Variants in ESRP1 observed in about 807,000 individuals in gnomAD.
ESRP1 encodes epithelial splicing regulatory protein 1.
Under a neutral mutation model 81.7 loss-of-function variants are expected in ESRP1, and 33 were observed. The ratio of observed to expected loss-of-function variants is 0.40; its 90% CI spans 0.31 to 0.54. The LOEUF is 0.54. Among genes scored for constraint, ESRP1 ranks in the 20% least tolerant of loss-of-function variants. The pLI is 0.41. For missense variants in ESRP1, 672 were observed against 833.1 expected (o/e 0.81, Z 2.38); for synonymous variants, 320 against 303.3 (o/e 1.06, Z -0.57).
intron 3 of ESRP1, among the ~76,000 whole-genome samples, chr8:94,644,025 A>T (rs1384432007): frequency 6.6e-6 from 1 of 152,244 alleles, no homozygotes; most frequent in Non-Finnish European, 1.5e-5. Flanking sequence ...TGTTCAAAAC[A>T]TTCTTGCATC....
intron 4 of ESRP1, among the ~76,000 whole-genome samples, chr8:94,650,262 T>TC (rs1818057963): frequency 2.1e-5 from 1 of 47,372 alleles, no homozygotes; most frequent in Non-Finnish European, 6.0e-5. Context: ...TTGTTTGTTT[T>TC]GTTTTTTTTT....
At chr8:94,682,337 C>T (rs780373375) in intron 13 of ESRP1, among the ~76,000 whole-genome samples, 3 of 152,058 alleles carry the variant, frequency 2.0e-5, no homozygotes, top group Non-Finnish European at 2.9e-5. Flanking sequence ...GCTTTTCGTA[C>T]GACATTATAA....
intron 15 of ESRP1, among the ~76,000 whole-genome samples, chr8:94,702,718 C>T (rs1180070197): frequency 2.6e-5 from 4 of 152,098 alleles, no homozygotes; most frequent in African/African-American, 7.2e-5. Flanking sequence ...CTCCTGACCT[C>T]GTGATCCGCC....
At chr8:94,695,874 C>T (rs2130725747) in intron 14 of ESRP1, among the ~76,000 whole-genome samples, 1 of 152,148 alleles carries the variant, frequency 6.6e-6, no homozygotes, top group Non-Finnish European at 1.5e-5. Flanking sequence ...ACCAGCCTGG[C>T]CAACATGGTG....
intron 13 of ESRP1, among the ~76,000 whole-genome samples, chr8:94,689,981 T>A (rs1217544267): frequency 6.6e-6 from 1 of 151,834 alleles, no homozygotes; most frequent in East Asian, 1.9e-4. Context: ...CATGCTCGGC[T>A]AATTTTTTTG....
intron 10 of ESRP1, among the ~76,000 whole-genome samples, chr8:94,670,321 T>C (rs1048321556): frequency 5.3e-5 from 8 of 152,234 alleles, no homozygotes; most frequent in African/African-American, 1.7e-4. Context: ...AGTTTATCTA[T>C]TACTACACTA....
chr8:94,705,156 CT>C (rs57801249), intron 15 of ESRP1, among the ~76,000 whole-genome samples: 50 of 90,522 alleles, frequency 5.5e-4, no homozygotes, highest in African/African-American at 1.5e-3. Context: ...TGCCTTATTG[CT>C]TTTTTTTTTT....
At chr8:94,694,188 AG>A (rs538735856) in intron 14 of ESRP1, among the ~76,000 whole-genome samples, 83 of 152,338 alleles carry the variant, frequency 5.4e-4, no homozygotes, top group African/African-American at 1.9e-3. Context: ...TTCAGGTTTT[AG>A]TACTCAGCTG....
chr8:94,645,142 G>A (rs1161513046), intron 3 of ESRP1, among the ~76,000 whole-genome samples: 2 of 152,082 alleles, frequency 1.3e-5, no homozygotes. Context: ...GGTTCTTTTG[G>A]TTGTTAACTT....
intron 4 of ESRP1, among the ~76,000 whole-genome samples, chr8:94,650,408 G>C (rs7009742): frequency 0.75 from 114,612 of 152,042 alleles, 46,038 homozygotes; most frequent in East Asian, 0.96. Context: ...TGTAGTCTTG[G>C]CTTTTCCAGG....
intron 4 of ESRP1, among the ~76,000 whole-genome samples, chr8:94,653,786 T>C (rs1818268869): frequency 6.8e-6 from 1 of 147,266 alleles, no homozygotes; most frequent in South Asian, 2.4e-4. Context: ...ATTGGTACTT[T>C]TCTGTGTATG....
chr8:94,689,621 GT>G (rs1809294061), intron 13 of ESRP1, among the ~76,000 whole-genome samples: 1 of 151,562 alleles, frequency 6.6e-6, no homozygotes. Context: ...TCTTATTTCA[GT>G]AATCCACAAA....
At position 94,642,008 on chromosome 8, in the gene ESRP1, AG is replaced by A; in HGVS notation, c.187del (p.Asp63ThrfsTer8). On this transcript the variant is annotated frameshift_variant, in exon 2 of 16. Coordinates refer to ENST00000433389, the MANE Select transcript of ESRP1 (RefSeq NM_017697.4). LOFTEE classifies it high-confidence loss of function. ...LVRPDQLELT[E>X]DCKEETKIDV... The stretch of plus-strand genomic sequence containing the variant: ...AGACCGGATCAGTTGGAACTGACGG[AG>A]GACTGCAAAGAAGAAACTAAAATAG... 1 of 1,614,022 alleles carries A rather than the reference AG, an allele frequency of 6.2e-7. No homozygotes were observed. The highest frequency in any genetic ancestry group is 8.5e-7 in the Non-Finnish European group (1 of 1,179,886).
At chr8:94,657,713 A>G (rs1818506572) in intron 4 of ESRP1, among the ~76,000 whole-genome samples, 1 of 152,220 alleles carries the variant, frequency 6.6e-6, no homozygotes, top group African/African-American at 2.4e-5. Flanking sequence ...ATGATTCTTC[A>G]GCTACAAGTC....
intron 15 of ESRP1, among the ~76,000 whole-genome samples, chr8:94,699,364 A>T (rs1809725882): frequency 6.6e-6 from 1 of 152,148 alleles, no homozygotes; most frequent in African/African-American, 2.4e-5. Context: ...GATCTGGCTA[A>T]GAGCAGTGGC....
chr8:94,701,821 G>A (rs1809851938), intron 15 of ESRP1, among the ~76,000 whole-genome samples: 1 of 152,122 alleles, frequency 6.6e-6, no homozygotes, highest in South Asian at 2.1e-4. Context: ...TGATATTTTG[G>A]CTTGTACATG....
chr8:94,658,167 C>A (rs1030168305), intron 4 of ESRP1, among the ~76,000 whole-genome samples: 1 of 152,168 alleles, frequency 6.6e-6, no homozygotes, highest in Non-Finnish European at 1.5e-5. Flanking sequence ...CCCACCTCGG[C>A]CTCCCAAAGT....
At chr8:94,670,195 A>AC (rs773874190) in intron 10 of ESRP1, among the ~76,000 whole-genome samples, 2 of 152,156 alleles carry the variant, frequency 1.3e-5, no homozygotes, top group Non-Finnish European at 2.9e-5. Flanking sequence ...TAAGTTTTGA[A>AC]CTAGTCATAG....
At chr8:94,646,908 T>G (rs2130539780) in intron 4 of ESRP1, among the ~76,000 whole-genome samples, 1 of 152,372 alleles carries the variant, frequency 6.6e-6, no homozygotes, top group African/African-American at 2.4e-5. Flanking sequence ...CCCGTCATCT[T>G]ACATTCATTA....
Sources: gnomAD v4.1 joint callset for allele counts (sites outside exome capture counted in the v4.1 genomes callset) on GRCh38, gnomAD v4.1.1 for gene constraint, MANE v1.5 for transcripts, NCBI Gene and HGNC (gene_info 2026-07-23, HGNC 2026-07-21) for gene names.